The following PANK3 variants were observed in gnomAD, a reference collection of about 807,000 sequenced individuals.
The protein encoded by PANK3 is pantothenate kinase 3.
PANK3 carries 20 observed loss-of-function variants against 39.4 expected under a neutral mutation model. That is an observed-to-expected ratio of 0.51 (90% CI 0.36 to 0.74). The LOEUF is 0.74. Among genes scored for constraint, PANK3 ranks in the 30% least tolerant of loss-of-function variants. The probability of loss-of-function intolerance (pLI) is 0.00; values close to 1 mark genes in which losing one functional copy is unlikely to be tolerated. For synonymous variants in PANK3, 140 were observed against 157.3 expected, an observed-to-expected ratio of 0.89 and a Z score of 0.82; for missense variants, 265 against 437.0, an observed-to-expected ratio of 0.61 and a Z score of 3.51.
chr5:168,570,907 C>G (rs999305351), intron 1 of PANK3, among the ~76,000 whole-genome samples: 3 of 152,084 alleles, frequency 2.0e-5, no homozygotes, highest in African/African-American at 7.2e-5. Context: ...GCGATAGAGG[C>G]CATCTTAAGT....
chr5:168,560,609 T>C (rs559480665), intron 5 of PANK3, among the ~76,000 whole-genome samples: 38 of 152,334 alleles, frequency 2.5e-4, no homozygotes, highest in Admixed American at 1.8e-3. Context: ...CCCAGAACGA[T>C]GTCTGGCATC....
In PANK3 at chr5:168,557,536, A is replaced by G; in HGVS notation, c.*35T>C. The G allele has an allele frequency of 6.3e-7, 1 of 1,593,854 alleles. No homozygotes were observed. The highest frequency in any genetic ancestry group is 8.6e-7 in the Non-Finnish European group (1 of 1,163,004). ...TGCCTCTGGTTTTAGTTCCTCTTGG[A>G]TGACATTTATTAGCAGAGAGAGAGA... is the stretch of plus-strand genomic sequence containing the variant. On this transcript the variant is annotated 3_prime_UTR_variant, in exon 7 of 7. Transcript: ENST00000239231.
rs1759352953 is a variant in PANK3 at position 168,556,522 on chromosome 5, T to A, written c.*1049A>T. 1 of 152,564 alleles carries A rather than the reference T, an allele frequency of 6.6e-6. No homozygotes were observed. Among genetic ancestry groups the A allele is most frequent in the African/African-American group, 2.4e-5 (1 of 41,404 alleles). 9.5% of individuals were successfully genotyped at this position (152,564 alleles called of 1,614,324 possible). On this transcript the variant is annotated 3_prime_UTR_variant, in exon 7 of 7. Coordinates refer to ENST00000239231, the MANE Select transcript of PANK3 (RefSeq NM_024594.4). ...AGTTATCAGGTCTCACCATTCCCTC[T>A]GGTTGTTGAGCCTTTGGATAAAAAT...
chr5:168,557,658 T>C (rs749180951), intron 6 of PANK3, 37 bp from the exon 7 acceptor site: 20 of 1,545,052 alleles, frequency 1.3e-5, no homozygotes, highest in Non-Finnish European at 1.6e-5. Flanking sequence ...GTAGTACAGC[T>C]TTTAAGTTAG....
intron 1 of PANK3, among the ~76,000 whole-genome samples, chr5:168,570,293 G>C (rs1326307286): frequency 6.6e-6 from 1 of 151,588 alleles, no homozygotes; most frequent in Non-Finnish European, 1.5e-5. Context: ...GCTGAGGCAG[G>C]AGAATGGCGT....
chr5:168,553,051 G>A lies in PANK3; in HGVS notation c.*4520C>T. On this transcript the variant is annotated 3_prime_UTR_variant, in exon 7 of 7. Coordinates refer to ENST00000239231, the MANE Select transcript of PANK3 (RefSeq NM_024594.4). ...TCCTGAGTCCCCTACAATTGCTGAA[G>A]GATCTCATTAGTACTCTTCCTTTCT... 2.9e-6 allele frequency: 1 copy of A among 345,402 alleles called. No individual in the cohort carries two copies. The highest frequency in any genetic ancestry group is 2.7e-5 in the South Asian group (1 of 37,220). 21.4% of individuals were successfully genotyped at this position (345,402 alleles called of 1,614,324 possible).
chr5:168,558,259 C>T (rs1759384841), intron 6 of PANK3, among the ~76,000 whole-genome samples: 1 of 150,060 alleles, frequency 6.7e-6, no homozygotes, highest in Admixed American at 6.7e-5. Flanking sequence ...CCCTGGGGTT[C>T]ACACCATTCT....
chr5:168,551,021 A>G lies in PANK3; in HGVS notation c.*6550T>C, dbSNP rs1759265944. On this transcript the variant is annotated 3_prime_UTR_variant, in exon 7 of 7. Transcript: ENST00000239231. ...TAATTATTCAAAATTTAGATATGTC[A>G]GAAAAGCTGGGATGATTGATTTTCA... 1 of 152,218 alleles carries G rather than the reference A, an allele frequency of 6.6e-6. No individual in the cohort carries two copies. Among genetic ancestry groups the G allele is most frequent in the African/African-American group, 2.4e-5 (1 of 41,462 alleles). The allele number at this position is 152,218 out of a possible 1,614,324, so 9.4% of individuals were successfully genotyped here.
rs1308910588 is a variant in PANK3, at chr5:168,555,058, A to G, written c.*2513T>C. The G allele has an allele frequency of 6.6e-6, 1 of 152,212 alleles. No homozygotes were observed. The highest frequency in any genetic ancestry group is 2.4e-5 in the African/African-American group (1 of 41,436). 9.4% of individuals were successfully genotyped at this position (152,212 alleles called of 1,614,324 possible). The stretch of plus-strand genomic sequence containing the variant: ...CACAAAATCATAATGAAGGCTGCCA[A>G]AGATTATAATTTTTTATTAAGATCT... On this transcript the variant is annotated 3_prime_UTR_variant, in exon 7 of 7. Coordinates refer to ENST00000239231, the MANE Select transcript of PANK3 (RefSeq NM_024594.4).
intron 1 of PANK3, among the ~76,000 whole-genome samples, chr5:168,572,303 G>C (rs535352401): frequency 3.1e-4 from 47 of 151,962 alleles, no homozygotes; most frequent in Admixed American, 6.6e-4. Flanking sequence ...TAGTAAAGAA[G>C]GGGTTTCACC....
intron 2 of PANK3, among the ~76,000 whole-genome samples, chr5:168,568,038 A>G (rs948925888): frequency 1.3e-5 from 2 of 152,224 alleles, no homozygotes; most frequent in African/African-American, 4.8e-5. Flanking sequence ...CTCTCATTCT[A>G]ATGGAAAAGA....
chr5:168,578,093 TG>T (rs1759756619), intron 1 of PANK3, among the ~76,000 whole-genome samples: 1 of 152,208 alleles, frequency 6.6e-6, no homozygotes, highest in South Asian at 2.1e-4. Flanking sequence ...GCTCTATGGG[TG>T]CAAGAGAAAG....
chr5:168,566,307 C>A, intron 2 of PANK3, 41 bp from the exon 3 acceptor site: 3 of 1,543,786 alleles, frequency 1.9e-6, no homozygotes, highest in Non-Finnish European at 2.6e-6. Flanking sequence ...GGATGACATT[C>A]AAAAACACTC....
rs147071632 is a variant in PANK3 at position 168,572,740 on chromosome 5, G to A, written c.29-3742C>T. Among the ~76,000 whole-genome samples, 473 of 152,232 alleles carry A rather than the reference G, an allele frequency of 3.1e-3. 1 individual carries two copies. Among genetic ancestry groups the A allele is most frequent in the African/African-American group, 0.011 (447 of 41,550 alleles). On this transcript the variant is annotated intron_variant, in intron 1 of 6. Transcript: ENST00000239231. ...ATGATGGCTTAGCTTGGGCTCAGAG[G>A]CCTGATGTTCCTGTCTTCTTATATT...
intron 6 of PANK3, among the ~76,000 whole-genome samples, chr5:168,558,345 A>C (rs1759386150): frequency 6.6e-6 from 1 of 151,434 alleles, no homozygotes. Flanking sequence ...TTGTATTTTT[A>C]GTAGAGACGG....
rs957396416 is a variant in PANK3 at position 168,549,482 on chromosome 5, C to T, written c.*8089G>A. On this transcript the variant is annotated 3_prime_UTR_variant, in exon 7 of 7. Transcript: ENST00000239231. ...GCTGTTGGAACTGTAAGCACTGCAA[C>T]GTATGAAAGAAACATATTTAGCAAT... 2 of 152,060 alleles carry T rather than the reference C, an allele frequency of 1.3e-5. No individual in the cohort carries two copies. Among genetic ancestry groups the T allele is most frequent in the Admixed American group, 6.6e-5 (1 of 15,246 alleles). The allele number at this position is 152,060 out of a possible 1,614,324, so 9.4% of individuals were successfully genotyped here.
At chr5:168,567,643 G>A (rs1013122476) in intron 2 of PANK3, among the ~76,000 whole-genome samples, 3 of 152,096 alleles carry the variant, frequency 2.0e-5, no homozygotes, top group African/African-American at 4.8e-5. Flanking sequence ...TTCTGAGACA[G>A]GGTCTCACTG....
chr5:168,569,033 A>C, intron 1 of PANK3, 35 bp from the exon 2 acceptor site: 1 of 324,118 alleles, frequency 3.1e-6, no homozygotes, highest in Non-Finnish European at 4.7e-6. Context: ...AAAAAAAAAT[A>C]TATATATATA....
intron 6 of PANK3, among the ~76,000 whole-genome samples, chr5:168,558,270 C>T (rs1211756745): frequency 1.3e-5 from 2 of 151,608 alleles, no homozygotes; most frequent in Non-Finnish European, 2.9e-5. Flanking sequence ...ACACCATTCT[C>T]CTGCCTCAGC....
Sources: allele counts gnomAD v4.1 joint callset (sites outside exome capture counted in the v4.1 genomes callset), GRCh38; gene constraint gnomAD v4.1.1; transcripts MANE v1.5; gene names NCBI Gene and HGNC (gene_info 2026-07-23, HGNC 2026-07-21).